MAPK4: variants seen among roughly 807,000 people sequenced by gnomAD.
The protein encoded by MAPK4 is Erk3-related.
A neutral mutation model predicts 47.7 loss-of-function variants in MAPK4; 22 were observed. The observed-to-expected ratio is 0.46, with a 90% CI of 0.33 to 0.66. The LOEUF (loss-of-function observed/expected upper bound fraction) is 0.66, where lower values mean the gene tolerates loss of function less well. MAPK4 is among the 30% of genes least tolerant of loss of function. The probability of loss-of-function intolerance (pLI) is 0.02; values close to 1 mark genes in which losing one functional copy is unlikely to be tolerated. For synonymous variants in MAPK4, 390 were observed against 365.7 expected, an observed-to-expected ratio of 1.07 and a Z score of -0.76; for missense variants, 736 against 831.7, an observed-to-expected ratio of 0.88 and a Z score of 1.42.
chr18:50,715,171 G>A lies in MAPK4; in HGVS notation c.639G>A (p.Trp213Ter). ...ACTACACCAAAGCCATCGACATGTG[G>A]GCCGCCGGCTGCATCCTGGCTGAGA... ...PNNYTKAIDM[W>*]AAGCILAEML... Residue 213 changes from tryptophan (W) to a stop codon, truncating the protein, a stop_gained, in exon 3 of 6, where the codon TGG becomes TGA. Transcript: ENST00000400384. LOFTEE classifies it high-confidence loss of function. 6.2e-7 allele frequency: 1 copy of A among 1,614,176 alleles called. No individual in the cohort carries two copies.
intron 1 of MAPK4, among the ~76,000 whole-genome samples, chr18:50,630,391 A>G (rs4939993): frequency 0.82 from 125,261 of 152,174 alleles, 51,718 homozygotes; most frequent in East Asian, 0.9. Context: ...GTTTCACCAT[A>G]TTGGCCAGGG....
chr18:50,633,247 G>A (rs1044704522), intron 1 of MAPK4, among the ~76,000 whole-genome samples: 1 of 152,180 alleles, frequency 6.6e-6, no homozygotes, highest in African/African-American at 2.4e-5. Context: ...AAGGCACTGG[G>A]GAATCCCTTT....
intron 2 of MAPK4, among the ~76,000 whole-genome samples, chr18:50,666,883 A>G (rs1032468167): frequency 6.6e-6 from 1 of 152,162 alleles, no homozygotes; most frequent in African/African-American, 2.4e-5. Flanking sequence ...TATTTATCCA[A>G]TGTGCATTTA....
intron 5 of MAPK4, among the ~76,000 whole-genome samples, chr18:50,727,180 G>A (rs1911247354): frequency 6.6e-6 from 1 of 152,194 alleles, no homozygotes; most frequent in Non-Finnish European, 1.5e-5. Flanking sequence ...TCTTAGATCA[G>A]GCAGCTAAAC....
chr18:50,654,594 T>G (rs1360363269), intron 1 of MAPK4, among the ~76,000 whole-genome samples: 3 of 152,222 alleles, frequency 2.0e-5, no homozygotes, highest in Non-Finnish European at 4.4e-5. Flanking sequence ...TCCCCTTGAA[T>G]CTACAAGGGT....
At chr18:50,665,354 A>C (rs558458096) in intron 2 of MAPK4, among the ~76,000 whole-genome samples, 6 of 152,156 alleles carry the variant, frequency 3.9e-5, no homozygotes, top group Non-Finnish European at 8.8e-5. Context: ...GCCCCTCAGC[A>C]TGAGCATGTT....
chr18:50,582,817 C>T (rs780978861), intron 1 of MAPK4, among the ~76,000 whole-genome samples: 5 of 152,244 alleles, frequency 3.3e-5, no homozygotes, highest in East Asian at 1.9e-4. Flanking sequence ...ATGAGGGGAA[C>T]GCAGTGATGC....
At chr18:50,656,373 C>T (rs1344370227) in intron 1 of MAPK4, among the ~76,000 whole-genome samples, 1 of 152,142 alleles carries the variant, frequency 6.6e-6, no homozygotes, top group Admixed American at 6.5e-5. Context: ...CTCACTCACA[C>T]GGTGGCCAGC....
At chr18:50,656,955 A>G (rs1284634302) in intron 1 of MAPK4, among the ~76,000 whole-genome samples, 2 of 152,222 alleles carry the variant, frequency 1.3e-5, no homozygotes, top group East Asian at 1.9e-4. Flanking sequence ...AGGGCTTAAC[A>G]GTCTCTCTTG....
intron 4 of MAPK4, among the ~76,000 whole-genome samples, chr18:50,722,401 C>T (rs1910982634): frequency 6.6e-6 from 1 of 152,196 alleles, no homozygotes; most frequent in Non-Finnish European, 1.5e-5. Context: ...ACATTTTTGT[C>T]CTGGAAGGCT....
chr18:50,570,011 G>A (rs1205484073), intron 1 of MAPK4, among the ~76,000 whole-genome samples: 1 of 152,220 alleles, frequency 6.6e-6, no homozygotes, highest in African/African-American at 2.4e-5. Context: ...AAGGTTTGTT[G>A]TTTGTTTGTT....
chr18:50,730,737 C>G lies in MAPK4; in HGVS notation c.*883C>G, dbSNP rs1346454135. On this transcript the variant is annotated 3_prime_UTR_variant, in exon 6 of 6. Transcript: ENST00000400384. ...CCTCTTTCCCCACTGGGCGTCCTAC[C>G]CCAGTGAGGTTGAAGGCACCAATTC... The G allele has an allele frequency of 6.6e-6, 1 of 152,484 alleles. No individual in the cohort carries two copies. Among genetic ancestry groups the G allele is most frequent in the Non-Finnish European group, 1.5e-5 (1 of 68,034 alleles). 9.4% of individuals were successfully genotyped at this position (152,484 alleles called of 1,614,324 possible).
chr18:50,677,146 G>A (rs1412712236), intron 2 of MAPK4, among the ~76,000 whole-genome samples: 1 of 152,190 alleles, frequency 6.6e-6, no homozygotes, highest in Non-Finnish European at 1.5e-5. Flanking sequence ...CTGATGATCT[G>A]AGTGTAACAG....
At chr18:50,571,740 A>G (rs994624638) in intron 1 of MAPK4, among the ~76,000 whole-genome samples, 2 of 152,212 alleles carry the variant, frequency 1.3e-5, no homozygotes, top group African/African-American at 4.8e-5. Context: ...TTGTCTGCTA[A>G]TAAGAGATAA....
chr18:50,661,060 G>A (rs1003126441), intron 1 of MAPK4, among the ~76,000 whole-genome samples: 2 of 152,198 alleles, frequency 1.3e-5, no homozygotes, highest in Non-Finnish European at 2.9e-5. Context: ...TGCTTGTGAT[G>A]TCATCCCCTC....
rs778354316 is a variant in MAPK4 at position 50,664,390 on chromosome 18, C to T, written c.432C>T (p.Asn144=). 1.7e-5 allele frequency: 28 copies of T among 1,613,980 alleles called. No individual in the cohort carries two copies. Among genetic ancestry groups the T allele is most frequent in the Admixed American group, 5.0e-5 (3 of 60,004 alleles). The change falls in exon 2 of 6, where the codon AAC becomes AAT. Residue 144 remains asparagine, a synonymous_variant. Coordinates refer to ENST00000400384, the MANE Select transcript of MAPK4 (RefSeq NM_002747.4). This position sits in a 1 kb window ranked among gnomAD's most constrained non-coding sequence, Gnocchi z 6.0. ...GGCTCAAGTACATCCACTCCGCCAA[C>T]GTGCTGCACAGGGACCTGAAGCCCG... ...LRGLKYIHSA[N]VLHRDLKPAN...
At chr18:50,674,290 T>G (rs910051171) in intron 2 of MAPK4, among the ~76,000 whole-genome samples, 1 of 152,236 alleles carries the variant, frequency 6.6e-6, no homozygotes, top group African/African-American at 2.4e-5. Flanking sequence ...ATTAGAAAAT[T>G]GAATCAAATC....
In MAPK4 at chr18:50,564,065, G is replaced by C. The variant is rs557470829; in HGVS notation, c.-871+3822G>C. Among the ~76,000 whole-genome samples the C allele has an allele frequency of 2.0e-4, 31 of 152,212 alleles. No individual in the cohort carries two copies. In the East Asian group the frequency reaches 5.8e-3, roughly 29 times the overall value. Reference sequence around the variant, plus strand: ...ACCACCCCCTCACATAGCCAGTCTTGGCAAGGGTCCTTGCAGTCCCATGAT... The same window carrying C: ...ACCACCCCCTCACATAGCCAGTCTTCGCAAGGGTCCTTGCAGTCCCATGAT... On this transcript the variant is annotated intron_variant, in intron 1 of 5. Transcript: ENST00000400384.
chr18:50,576,606 CA>C (rs1269675714), intron 1 of MAPK4, among the ~76,000 whole-genome samples: 2 of 152,120 alleles, frequency 1.3e-5, no homozygotes, highest in Admixed American at 6.5e-5. Flanking sequence ...ATTTATATAA[CA>C]AACCTGCATA....
Sources: gnomAD v4.1 joint callset for allele counts (sites outside exome capture counted in the v4.1 genomes callset) on GRCh38, gnomAD v4.1.1 for gene constraint, Gnocchi (gnomAD v3.1) non-coding constraint, MANE v1.5 for transcripts, NCBI Gene and HGNC (gene_info 2026-07-23, HGNC 2026-07-21) for gene names.